Variants in CELF2 observed in about 807,000 individuals in gnomAD.
The protein encoded by CELF2 is CUG triplet repeat RNA-binding protein 2.
Under a neutral mutation model 62.6 loss-of-function variants are expected in CELF2, and 8 were observed. That is an observed-to-expected ratio of 0.13 (90% confidence interval 0.07 to 0.23). The LOEUF (loss-of-function observed/expected upper bound fraction) is 0.23. CELF2 is among the 10% of genes least tolerant of loss of function. The pLI, the probability that CELF2 is intolerant of heterozygous loss-of-function variation, is 1.00. For synonymous variants in CELF2, 258 were observed against 250.0 expected (o/e 1.03, Z -0.30); for missense variants, 333 against 671.0 (o/e 0.50, Z 5.56).
intron 1 of CELF2, among the ~76,000 whole-genome samples, chr10:11,049,609 T>C (rs1277278197): frequency 6.6e-6 from 1 of 151,618 alleles, no homozygotes; most frequent in Non-Finnish European, 1.5e-5. Context: ...CAAAATGTTA[T>C]TTTGTTTCTG....
At position 11,316,680 on chromosome 10, in the gene CELF2, A is replaced by G. The variant is rs1054557424; in HGVS notation, c.1096+2422A>G. ...GAGAGTATTCAGGTTTTCTGAATAG[A>G]GCCAACTCTTACCCACCGACACAGC... is the stretch of plus-strand genomic sequence containing the variant. On this transcript the variant is annotated intron_variant, in intron 10 of 12. Transcript: ENST00000633077. The surrounding 1 kb of genome is among the most constrained non-coding windows in gnomAD (Gnocchi z 4.4). Among the ~76,000 whole-genome samples the G allele has an allele frequency of 6.6e-6, 1 of 152,172 alleles. No homozygotes were observed. Among genetic ancestry groups the G allele is most frequent in the African/African-American group, 2.4e-5 (1 of 41,438 alleles).
upstream of CELF2, chr10:10,798,472 T>C (rs2054299009): frequency 3.2e-6 from 1 of 313,372 alleles, no homozygotes; most frequent in Non-Finnish European, 5.8e-6. Flanking sequence ...GAGATTTAAG[T>C]GAGAGCTGTG....
At position 10,845,123 on chromosome 10, in the gene CELF2, T is replaced by C. The variant is rs565842889; in HGVS notation, c.53+46306T>C. On this transcript the variant is annotated intron_variant, in intron 1 of 13. Transcript: ENST00000636488. ...ACTGCTTAAATGTTTTATTTAATGA[T>C]GAATGGTTTTTGCCATCATAGACGA... Among the ~76,000 whole-genome samples, 7 of 152,294 alleles carry C rather than the reference T, an allele frequency of 4.6e-5. No individual in the cohort carries two copies. In the South Asian group the frequency reaches 6.2e-4, roughly 14 times the overall value.
intron 1 of CELF2, among the ~76,000 whole-genome samples, chr10:11,135,101 G>A (rs1429258997): frequency 6.6e-6 from 1 of 152,070 alleles, no homozygotes; most frequent in African/African-American, 2.4e-5. Context: ...ACACCCTGAG[G>A]AAAAAATGCT....
chr10:11,045,839 T>G (rs1325075124), intron 1 of CELF2, among the ~76,000 whole-genome samples: 1 of 152,176 alleles, frequency 6.6e-6, no homozygotes, highest in East Asian at 1.9e-4. Context: ...TATAGCCTAT[T>G]TAAAGAACAA....
intron 4 of CELF2, 122 bp downstream of exon 4, chr10:11,249,323 C>A: frequency 1.3e-6 from 1 of 748,156 alleles, no homozygotes; most frequent in South Asian, 1.6e-5. Flanking sequence ...GAGCGCTGCT[C>A]CTGGAATCTT....
the CELF2 span, among the ~76,000 whole-genome samples, chr10:10,694,312 T>C: frequency 8.0e-3 from 1,212 of 151,474 alleles, 4 homozygotes; most frequent in African/African-American, 0.011. Context: ...TTCCATGTAG[T>C]TGAGCGGTTT....
chr10:10,515,928 T>C, the CELF2 span, among the ~76,000 whole-genome samples: 11 of 152,318 alleles, frequency 7.2e-5, no homozygotes, highest in African/African-American at 2.4e-4. Flanking sequence ...TGCTTAGTCA[T>C]AAATGAAATA....
At chr10:10,550,819 C>T in the CELF2 span, among the ~76,000 whole-genome samples, 1 of 152,148 alleles carries the variant, frequency 6.6e-6, no homozygotes, top group Non-Finnish European at 1.5e-5. Context: ...ATGCCTCAGC[C>T]TCCCGAGTGG....
chr10:11,135,089 C>T (rs555742626), intron 1 of CELF2, among the ~76,000 whole-genome samples: 3 of 152,198 alleles, frequency 2.0e-5, no homozygotes, highest in South Asian at 2.1e-4. Context: ...AGAGGCTGAG[C>T]GACACCCTGA....
At chr10:10,855,443 G>GCT (rs2059648046) in intron 1 of CELF2, among the ~76,000 whole-genome samples, 1 of 152,194 alleles carries the variant, frequency 6.6e-6, no homozygotes, top group Non-Finnish European at 1.5e-5. Context: ...AAGGACAGAG[G>GCT]CTCTGATAAC....
At chr10:11,209,851 G>A (rs796200203) in intron 2 of CELF2, among the ~76,000 whole-genome samples, 15 of 152,232 alleles carry the variant, frequency 9.9e-5, no homozygotes, top group African/African-American at 3.1e-4. Context: ...TAGATGGCAA[G>A]GGGAATCAAG....
At chr10:10,527,098 C>T in the CELF2 span, among the ~76,000 whole-genome samples, 4 of 152,222 alleles carry the variant, frequency 2.6e-5, no homozygotes, top group African/African-American at 9.6e-5. Flanking sequence ...CACTGCAGTA[C>T]TCCAATGATG....
At chr10:10,495,978 A>C in the CELF2 span, among the ~76,000 whole-genome samples, 4 of 152,254 alleles carry the variant, frequency 2.6e-5, no homozygotes, top group Admixed American at 2.6e-4. Context: ...TTTAACATTT[A>C]TTATAATGTA....
intron 7 of CELF2, among the ~76,000 whole-genome samples, chr10:11,274,305 C>A (rs1479759307): frequency 6.6e-6 from 1 of 152,216 alleles, no homozygotes; most frequent in African/African-American, 2.4e-5. Flanking sequence ...TCCAGCAGCA[C>A]CCCAGGGGCT....
At chr10:10,884,150 C>A (rs1012472020) in intron 1 of CELF2, among the ~76,000 whole-genome samples, 1 of 152,104 alleles carries the variant, frequency 6.6e-6, no homozygotes, top group African/African-American at 2.4e-5. Context: ...AGAATAACAC[C>A]ACGAAATAAA....
the CELF2 span, among the ~76,000 whole-genome samples, chr10:10,606,385 T>A: frequency 6.6e-6 from 1 of 152,166 alleles, no homozygotes; most frequent in African/African-American, 2.4e-5. Flanking sequence ...GACAATTACA[T>A]AAATTCCTTG....
the CELF2 span, among the ~76,000 whole-genome samples, chr10:10,566,694 T>C: frequency 1.3e-5 from 2 of 151,784 alleles, no homozygotes; most frequent in African/African-American, 4.8e-5. Context: ...AACAGCCACC[T>C]TTTATAAACC....
At chr10:10,981,633 C>T (rs1173287959) in intron 2 of CELF2, among the ~76,000 whole-genome samples, 1 of 152,214 alleles carries the variant, frequency 6.6e-6, no homozygotes, top group Non-Finnish European at 1.5e-5. Flanking sequence ...CATAGTTACA[C>T]CCTTTTCTAG....
Sources: gnomAD v4.1 joint callset for allele counts (sites outside exome capture counted in the v4.1 genomes callset) on GRCh38, gnomAD v4.1.1 for gene constraint, Gnocchi (gnomAD v3.1) non-coding constraint, MANE v1.5 for transcripts, NCBI Gene and HGNC (gene_info 2026-07-23, HGNC 2026-07-21) for gene names.